Variants in KIF7 observed in about 807,000 individuals in gnomAD.
KIF7 encodes kinesin family member 7, also known as kinesin-like protein KIF7.
KIF7 carries 104 observed loss-of-function variants against 135.7 expected under a neutral mutation model. That is an observed-to-expected ratio of 0.77 (90% CI 0.65 to 0.90). The LOEUF is 0.90. Ranked by LOEUF, KIF7 falls within the 40% of genes least tolerant of loss-of-function variation. The pLI, the probability that KIF7 is intolerant of heterozygous loss-of-function variation, is 0.00. For missense variants in KIF7, 2,005 were observed against 1,839.1 expected (o/e 1.09, Z -1.65); for synonymous variants, 883 against 809.4 (o/e 1.09, Z -1.54).
rs936486327 is a variant in KIF7 at position 89,648,785 on chromosome 15, G to C, written c.924-11C>G. On this transcript the variant is annotated splice_polypyrimidine_tract_variant and intron_variant, in intron 4 of 18. Transcript: ENST00000394412. Reference sequence around the variant, plus strand: ...GAGTCTTTGAGGATCCTGAGGGCGCGAGGGGGAGGCTCTCAGGGGCCCCGA... The same window carrying C: ...GAGTCTTTGAGGATCCTGAGGGCGCCAGGGGGAGGCTCTCAGGGGCCCCGA... 4.6e-6 allele frequency: 7 copies of C among 1,529,228 alleles called. No individual in the cohort carries two copies. Among genetic ancestry groups the C allele is most frequent in the Non-Finnish European group, 3.5e-6 (4 of 1,141,228 alleles). The allele number at this position is 1,529,228 out of a possible 1,614,324, so 94.7% of individuals were successfully genotyped here. A position where few individuals can be genotyped will look rare whatever the true frequency, so the allele number is the denominator to read the frequency against.
At chr15:89,657,310 C>CA (rs369464990), upstream of KIF7, among the ~76,000 whole-genome samples, 20,361 of 98,584 alleles carry the variant, frequency 0.21, 2,963 homozygotes, top group East Asian at 0.43. Flanking sequence ...GACCCTGTCT[C>CA]AAAAAAAAAA....
chr15:89,626,156 G>A (rs908463985), downstream of KIF7: 2 of 1,486,224 alleles, frequency 1.3e-6, no homozygotes, highest in Non-Finnish European at 1.8e-6. Context: ...GAGCCCCAGG[G>A]AGTGCCAAGT....
At chr15:89,630,160 T>G in intron 16 of KIF7, 127 bp downstream of exon 16, 1 of 852,830 alleles carries the variant, frequency 1.2e-6, no homozygotes, top group Non-Finnish European at 1.9e-6. Context: ...GCCCTGCAGA[T>G]GAGTTGGTCC....
At chr15:89,642,610 C>G (rs1255961244) in intron 10 of KIF7, among the ~76,000 whole-genome samples, 14 of 152,176 alleles carry the variant, frequency 9.2e-5, no homozygotes, top group Admixed American at 9.2e-4. Context: ...GCTCTTTTTG[C>G]CCAGGCTGGA....
rs769890385 is a variant in KIF7 at position 89,632,975 on chromosome 15, ACTT to A, written c.2737_2739del (p.Lys913del). On this transcript the variant is annotated inframe_deletion, in exon 14 of 19. Coordinates refer to ENST00000394412, the MANE Select transcript of KIF7 (RefSeq NM_198525.3). ...ACCTTCTCCATCTCCTGGTCCAGCCACTTCTTCTGCTCCTCAATCTTCTAAGGA... is the reference window on the plus strand; with the variant it reads ...ACCTTCTCCATCTCCTGGTCCAGCCACTTCTGCTCCTCAATCTTCTAAGGA... 285 of 1,548,802 alleles carry A rather than the reference ACTT, an allele frequency of 1.8e-4. No individual in the cohort carries two copies. The highest frequency in any genetic ancestry group is 3.4e-4 in the Middle Eastern group (2 of 5,830).
downstream of KIF7, chr15:89,627,143 AAAG>A (rs766107513): frequency 1.7e-4 from 280 of 1,603,296 alleles, no homozygotes; most frequent in Non-Finnish European, 2.1e-4. Flanking sequence ...CTGTGGACAT[AAAG>A]AAGTTGGATG....
At chr15:89,659,186 A>G (rs1375245198), upstream of KIF7, among the ~76,000 whole-genome samples, 1 of 152,206 alleles carries the variant, frequency 6.6e-6, no homozygotes, top group Non-Finnish European at 1.5e-5. Flanking sequence ...TGTGATATTT[A>G]TCCTTGATAA....
intron 12 of KIF7, 25 bp from the exon 13 acceptor site, chr15:89,633,291 G>A (rs528803543): frequency 4.5e-6 from 7 of 1,545,226 alleles, no homozygotes; most frequent in East Asian, 4.8e-5. Flanking sequence ...CAGTGGGCAG[G>A]GCTGTTTATG....
Position 89,649,793 on chromosome 15 carries a change from C to A in KIF7, c.477G>T (p.Val159=). Residue 159 remains valine (V), a synonymous_variant, in exon 3 of 19, where the codon GTG becomes GTT. Coordinates refer to ENST00000394412, the MANE Select transcript of KIF7 (RefSeq NM_198525.3). ...YKEEFRDLLE[V]GTASRDIQLR... Reference sequence around the variant, plus strand: ...GCTGGATGTCACGGCTGGCAGTGCCCACCTCGAGCAGGTCTCGGAACTCCT... The same window carrying A: ...GCTGGATGTCACGGCTGGCAGTGCCAACCTCGAGCAGGTCTCGGAACTCCT... 6.4e-7 allele frequency: 1 copy of A among 1,551,798 alleles called. No homozygotes were observed. Among genetic ancestry groups the A allele is most frequent in the Admixed American group, 2.0e-5 (1 of 51,012 alleles).
rs1028481054 is a variant in KIF7, at chr15:89,633,413, C to T, written c.2593-147G>A. ...CCCAGACCCATCCCACACAAATCTC[C>T]CTGGAGACCGGCAAATAGACGCAAA... is the stretch of plus-strand genomic sequence containing the variant. On this transcript the variant is annotated intron_variant, in intron 12 of 18. Coordinates refer to ENST00000394412, the MANE Select transcript of KIF7 (RefSeq NM_198525.3). 3 of 1,127,836 alleles carry T rather than the reference C, an allele frequency of 2.7e-6. No homozygotes were observed. In the African/African-American group the frequency reaches 4.6e-5, roughly 17 times the overall value. 69.9% of individuals were successfully genotyped at this position (1,127,836 alleles called of 1,614,324 possible).
chr15:89,649,091 A>G lies in KIF7; in HGVS notation c.806T>C (p.Leu269Pro). ...GCTGTTGATCTGGATGCTCTCCTTG[A>G]GCCGCTCGCCGGTGCTGCCCGTCTT... Reference protein sequence around the residue: ...VLKTGSTGERLKESIQINSSL... With the variant: ...VLKTGSTGERPKESIQINSSL... Residue 269 changes from leucine (L) to proline (P), a missense_variant, in exon 4 of 19, where the codon CTC (leucine) becomes CCC (proline). By Grantham distance (98) the Leu-to-Pro change is moderately conservative. Coordinates refer to ENST00000394412, the MANE Select transcript of KIF7 (RefSeq NM_198525.3). 6.5e-7 allele frequency: 1 copy of G among 1,547,240 alleles called. No individual in the cohort carries two copies. Among genetic ancestry groups the G allele is most frequent in the Non-Finnish European group, 8.7e-7 (1 of 1,146,548 alleles).
intron 16 of KIF7, 83 bp from the exon 17 acceptor site, chr15:89,629,656 C>A: frequency 6.4e-7 from 1 of 1,563,412 alleles, no homozygotes; most frequent in South Asian, 1.1e-5. Flanking sequence ...ACAGTATTGG[C>A]ACACTTGCCA....
At chr15:89,634,823 C>T (rs1432237197) in intron 11 of KIF7, among the ~76,000 whole-genome samples, 1 of 152,196 alleles carries the variant, frequency 6.6e-6, no homozygotes, top group Non-Finnish European at 1.5e-5. Context: ...GTGGAGCCCA[C>T]CACAGCTCAA....
Position 89,648,294 on chromosome 15 carries a change from G to A in KIF7, c.1404C>T (p.Ser468=), listed in dbSNP as rs954905855. 4.6e-6 allele frequency: 7 copies of A among 1,519,888 alleles called. No homozygotes were observed. The highest frequency in any genetic ancestry group is 4.0e-5 in the Admixed American group (2 of 50,198). 94.2% of individuals were successfully genotyped at this position (1,519,888 alleles called of 1,614,324 possible). A position where few individuals can be genotyped will look rare whatever the true frequency, so the allele number is the denominator to read the frequency against. Residue 468 remains serine (S), a synonymous_variant, in exon 5 of 19, where the codon TCC becomes TCT. Transcript: ENST00000394412. ...CCCCCTGCGCCGCCTGGTCCTCGAC[G>A]GAGGCGCTCTCGATGCCGCTATCGG... The part of the protein sequence containing the change: ...SGPDSGIESA[S]VEDQAAQGAG...
rs1964067000 is a variant in KIF7 at position 89,648,724 on chromosome 15, CA to C, written c.973del (p.Cys325AlafsTer130). The stretch of plus-strand genomic sequence containing the variant: ...GAAGTCGGAGGAGGAAGGGCTGACG[CA>C]GGCGATCATCACCGTCTTGGCGTTC... Reference protein sequence around the residue: ...GGNAKTVMIACVSPSSSDFDE... With the variant: ...GGNAKTVMIAXVSPSSSDFDE... On this transcript the variant is annotated frameshift_variant, in exon 5 of 19. Transcript: ENST00000394412. LOFTEE classifies it high-confidence loss of function. The C allele has an allele frequency of 6.5e-7, 1 of 1,536,178 alleles. No individual in the cohort carries two copies. Among genetic ancestry groups the C allele is most frequent in the Non-Finnish European group, 8.7e-7 (1 of 1,146,510 alleles).
intron 2 of KIF7, among the ~76,000 whole-genome samples, chr15:89,617,524 CATCTCACTCTTTTTCTGAGTAGGA>C (rs1347208003): frequency 6.6e-6 from 1 of 151,918 alleles, no homozygotes; most frequent in African/African-American, 2.4e-5. Context: ...ACATTCTAAC[CATCTCACTCTTTTTCTGAGTAGGA>C]ATCTCACTCT....
chr15:89,648,812 G>A lies in KIF7; in HGVS notation c.924-38C>T, dbSNP rs1468182710. On this transcript the variant is annotated intron_variant, in intron 4 of 18. Transcript: ENST00000394412. ...GGGGGAGGCTCTCAGGGGCCCCGAC[G>A]CTCCAGGCCCAGGGCCAGCGGGCCA... The A allele has an allele frequency of 3.3e-6, 5 of 1,510,926 alleles. No homozygotes were observed. The East Asian group carries it at 9.9e-5, about 30-fold the overall frequency. 93.6% of individuals were successfully genotyped at this position (1,510,926 alleles called of 1,614,324 possible).
At chr15:89,631,428 G>A (rs146987737) in intron 15 of KIF7, 67 bp downstream of exon 15, 1 of 1,391,276 alleles carries the variant, frequency 7.2e-7, no homozygotes, top group Non-Finnish European at 9.8e-7. Flanking sequence ...TGGAGCAAGG[G>A]CTGAGGAGAG....
At chr15:89,652,380 T>C (rs753919137) in intron 2 of KIF7, among the ~76,000 whole-genome samples, 1 of 151,766 alleles carries the variant, frequency 6.6e-6, no homozygotes, top group South Asian at 2.1e-4. Context: ...TCTATGGAGG[T>C]GAGAAGGCCA....
Sources: gnomAD v4.1 joint callset for allele counts (sites outside exome capture counted in the v4.1 genomes callset) on GRCh38, gnomAD v4.1.1 for gene constraint, MANE v1.5 for transcripts, NCBI Gene and HGNC (gene_info 2026-07-23, HGNC 2026-07-21) for gene names.